The following PRKCH variants were observed in gnomAD, a reference collection of about 807,000 sequenced individuals.
PRKCH encodes the protein protein kinase C eta type.
PRKCH carries 28 observed loss-of-function variants against 82.5 expected under a neutral mutation model. The ratio of observed to expected loss-of-function variants is 0.34; its 90% CI spans 0.25 to 0.47. PRKCH has a LOEUF of 0.47. Ranked by LOEUF, PRKCH falls within the 20% of genes least tolerant of loss-of-function variation. The pLI, the probability that PRKCH is intolerant of heterozygous loss-of-function variation, is 1.00. For synonymous variants in PRKCH, 322 were observed against 327.4 expected, an observed-to-expected ratio of 0.98 and a Z score of 0.18; for missense variants, 705 against 881.8, an observed-to-expected ratio of 0.80 and a Z score of 2.54.
intron 9 of PRKCH, 126 bp from the exon 10 acceptor site, chr14:61,485,376 A>G: frequency 1.6e-6 from 2 of 1,256,560 alleles, no homozygotes; most frequent in Non-Finnish European, 2.2e-6. Context: ...CATGGTCAGG[A>G]TGTTTCCTGG....
chr14:61,193,358 C>G (rs1450034543), intron 1 of PRKCH, among the ~76,000 whole-genome samples: 1 of 152,120 alleles, frequency 6.6e-6, no homozygotes, highest in Admixed American at 6.5e-5. Context: ...ACATTAATTA[C>G]AAAACCAGAT....
intron 1 of PRKCH, among the ~76,000 whole-genome samples, chr14:61,191,518 C>T (rs956214523): frequency 6.6e-6 from 1 of 152,144 alleles, no homozygotes; most frequent in Non-Finnish European, 1.5e-5. Context: ...ACTAAAGATA[C>T]AAAAGTTAGC....
At chr14:61,435,704 AAATGAATG>A (rs3837626) in intron 2 of PRKCH, among the ~76,000 whole-genome samples, 95,887 of 150,536 alleles carry the variant, frequency 0.64, 32,455 homozygotes, top group Non-Finnish European at 0.76. Context: ...ATCTCAATAT[AAATGAATG>A]AATGAATGAA....
At chr14:61,339,285 A>G (rs1474715237) in intron 1 of PRKCH, among the ~76,000 whole-genome samples, 2 of 147,702 alleles carry the variant, frequency 1.4e-5, no homozygotes, top group Non-Finnish European at 3.0e-5. Flanking sequence ...CTGTGTTTTC[A>G]TCCTCTCCTG....
intron 2 of PRKCH, among the ~76,000 whole-genome samples, chr14:61,407,664 C>T (rs1405796309): frequency 6.6e-6 from 1 of 152,196 alleles, no homozygotes; most frequent in African/African-American, 2.4e-5. Context: ...TGGACGTCCT[C>T]ATTTGAGACT....
chr14:61,222,741 A>C (rs1387645934), intron 1 of PRKCH, among the ~76,000 whole-genome samples: 2 of 152,238 alleles, frequency 1.3e-5, no homozygotes, highest in Non-Finnish European at 2.9e-5. Context: ...ATGGATAAGC[A>C]GTGTTTGAGA....
chr14:61,324,142 G>C (rs986163412), intron 1 of PRKCH, among the ~76,000 whole-genome samples: 1 of 152,156 alleles, frequency 6.6e-6, no homozygotes, highest in African/African-American at 2.4e-5. Flanking sequence ...GTATGCAGTC[G>C]AGGTGGAGAA....
intron 1 of PRKCH, among the ~76,000 whole-genome samples, chr14:61,245,836 C>T (rs1415584585): frequency 1.3e-5 from 2 of 152,148 alleles, no homozygotes; most frequent in Admixed American, 6.5e-5. Flanking sequence ...AGGAATCATG[C>T]TAGTATTTTA....
At chr14:61,367,269 C>T (rs979979475) in intron 1 of PRKCH, among the ~76,000 whole-genome samples, 5 of 151,936 alleles carry the variant, frequency 3.3e-5, no homozygotes, top group African/African-American at 9.7e-5. Flanking sequence ...CTAACCCAAT[C>T]TAAATGCCTG....
chr14:61,215,749 C>A (rs1424472663), intron 1 of PRKCH, among the ~76,000 whole-genome samples: 1 of 152,166 alleles, frequency 6.6e-6, no homozygotes, highest in East Asian at 1.9e-4. Context: ...AGAGTACGAC[C>A]CTGCTATAGC....
intron 1 of PRKCH, among the ~76,000 whole-genome samples, chr14:61,386,587 C>T (rs2046591758): frequency 6.6e-6 from 1 of 151,860 alleles, no homozygotes; most frequent in East Asian, 1.9e-4. Context: ...GAGAGGAGGG[C>T]CAGGAAAGGG....
At chr14:61,261,800 C>A (rs1006833256) in intron 1 of PRKCH, among the ~76,000 whole-genome samples, 5 of 152,050 alleles carry the variant, frequency 3.3e-5, no homozygotes, top group Non-Finnish European at 5.9e-5. Context: ...AATGATTCAA[C>A]CCCTTTGGAA....
upstream of PRKCH, among the ~76,000 whole-genome samples, chr14:61,321,552 AG>A (rs1396756837): frequency 6.6e-6 from 1 of 152,108 alleles, no homozygotes; most frequent in Non-Finnish European, 1.5e-5. This position sits in a 1 kb window ranked among gnomAD's most constrained non-coding sequence, Gnocchi z 4.1. Flanking sequence ...GGGGTCCGGA[AG>A]GCGCGGGAGC....
chr14:61,512,873 C>A (rs952071196), intron 10 of PRKCH, among the ~76,000 whole-genome samples: 1 of 152,166 alleles, frequency 6.6e-6, no homozygotes, highest in African/African-American at 2.4e-5. Flanking sequence ...GTCCCCCAGG[C>A]TGGAGTGCAG....
At chr14:61,306,933 C>T (rs190003030) in intron 1 of PRKCH, 3 of 152,202 alleles carry the variant, frequency 2.0e-5, no homozygotes, top group Admixed American at 1.3e-4. Flanking sequence ...GCAGCTTTTA[C>T]CAAACACTGA....
chr14:61,394,624 C>CT (rs1216040636), intron 2 of PRKCH, among the ~76,000 whole-genome samples: 4 of 152,270 alleles, frequency 2.6e-5, no homozygotes, highest in African/African-American at 9.6e-5. Context: ...CATTACATGA[C>CT]TTTTTTAGAG....
chr14:61,463,218 A>T (rs1373233415), intron 9 of PRKCH: 2 of 152,216 alleles, frequency 1.3e-5, no homozygotes, highest in Admixed American at 1.3e-4. Flanking sequence ...AATATTTTGT[A>T]CAGTGCGAAG....
chr14:61,455,930 A>G (rs887997986), intron 7 of PRKCH, among the ~76,000 whole-genome samples: 9 of 152,156 alleles, frequency 5.9e-5, no homozygotes, highest in African/African-American at 2.2e-4. Flanking sequence ...TTGAAACTAG[A>G]ACTCTCATCA....
intron 10 of PRKCH, among the ~76,000 whole-genome samples, chr14:61,517,575 C>A (rs1049791078): frequency 9.2e-5 from 14 of 152,186 alleles, no homozygotes; most frequent in Non-Finnish European, 1.2e-4. Flanking sequence ...CATTTAATAA[C>A]AGCCACAGTG....
Sources: allele counts gnomAD v4.1 joint callset (sites outside exome capture counted in the v4.1 genomes callset), GRCh38; gene constraint gnomAD v4.1.1; non-coding constraint Gnocchi (gnomAD v3.1); transcripts MANE v1.5; gene names NCBI Gene and HGNC (gene_info 2026-07-23, HGNC 2026-07-21).